Variants in HELLS observed in about 807,000 individuals in gnomAD.
The protein encoded by HELLS is lymphoid-specific helicase.
HELLS carries 32 observed loss-of-function variants against 120.0 expected under a neutral mutation model. The ratio of observed to expected loss-of-function variants is 0.27; its 90% CI spans 0.20 to 0.36. The LOEUF (loss-of-function observed/expected upper bound fraction) is 0.36. Among genes scored for constraint, HELLS ranks in the 10% least tolerant of loss-of-function variants. HELLS has a pLI of 1.00. For missense variants in HELLS, 650 were observed against 993.4 expected (o/e 0.65, Z 4.65); for synonymous variants, 341 against 323.4 (o/e 1.05, Z -0.58).
intron 21 of HELLS, among the ~76,000 whole-genome samples, chr10:94,598,302 T>C (rs563474851): frequency 6.6e-6 from 1 of 152,312 alleles, no homozygotes; most frequent in Admixed American, 6.5e-5. Flanking sequence ...CCCCAGTCTT[T>C]GTTTTTAACA....
chr10:94,610,020 TTG>T (rs1846173980), exon 10 of HELLS: 1 of 152,174 alleles, frequency 6.6e-6, no homozygotes, highest in African/African-American at 2.4e-5. Flanking sequence ...TCGTTATTGT[TTG>T]GAATTGACGT....
intron 2 of HELLS, among the ~76,000 whole-genome samples, chr10:94,548,004 A>G (rs1842817735): frequency 6.6e-6 from 1 of 152,200 alleles, no homozygotes; most frequent in East Asian, 1.9e-4. Flanking sequence ...TCTGACCTGA[A>G]CCACCTTTTC....
In HELLS at chr10:94,546,480, G is replaced by A. The variant is rs751100966; in HGVS notation, c.135G>A (p.Glu45=). 1.2e-6 allele frequency: 2 copies of A among 1,614,140 alleles called. No homozygotes were observed. The highest frequency in any genetic ancestry group is 2.2e-5 in the South Asian group (2 of 91,088). ...EQLEAAGLER[E]RKMLEKARMS... is the part of the protein sequence containing the mutation. ...TTGAAGCTGCTGGACTAGAGAGAGA[G>A]CGGAAGATGCTGGAAAAGGTAATTT... is the stretch of plus-strand genomic sequence containing the variant. The change falls in exon 2 of 22, where the codon GAG becomes GAA. Residue 45 remains glutamate (E), a synonymous_variant. Transcript: ENST00000348459.
At position 94,551,833 on chromosome 10, in the gene HELLS, G is replaced by C. The variant is rs919000938; in HGVS notation, c.154-2293G>C. ...CGGCTCACTGCAAGCTCTGCCTTCCGGGTTCACGCCATTCTCCTGCCTCAG... is the reference window on the plus strand; with the variant it reads ...CGGCTCACTGCAAGCTCTGCCTTCCCGGTTCACGCCATTCTCCTGCCTCAG... On this transcript the variant is annotated intron_variant, in intron 2 of 21. Transcript: ENST00000348459. 3.3e-5 allele frequency among the ~76,000 whole-genome samples: 5 copies of C among 151,406 alleles called. No individual in the cohort carries two copies. In the South Asian group the frequency reaches 1.0e-3, roughly 32 times the overall value.
intron 6 of HELLS, among the ~76,000 whole-genome samples, chr10:94,564,919 G>A (rs1843717961): frequency 6.6e-6 from 1 of 152,098 alleles, no homozygotes; most frequent in African/African-American, 2.4e-5. Context: ...AAAAAAAAAA[G>A]CACAACTCTA....
intron 4 of HELLS, among the ~76,000 whole-genome samples, chr10:94,560,531 C>T (rs551525402): frequency 5.9e-5 from 9 of 151,758 alleles, no homozygotes; most frequent in Non-Finnish European, 8.8e-5. Flanking sequence ...CCTGTCTCTG[C>T]TAAAAATACA....
At chr10:94,574,255 A>G in intron 8 of HELLS, 68 bp downstream of exon 8, 1 of 1,014,354 alleles carries the variant, frequency 9.9e-7, no homozygotes, top group Non-Finnish European at 1.5e-6. Flanking sequence ...GATTTGAGGT[A>G]CCACAACTTG....
rs1250772685 is a variant in HELLS, at chr10:94,592,305, G to C, written c.1844G>C (p.Gly615Ala). Reference sequence around the variant, plus strand: ...ATGCTGCCAGAACTAAAAAAAAGAGGTCACAAGGTGGTACTTTTGATTGGA... The same window carrying C: ...ATGCTGCCAGAACTAAAAAAAAGAGCTCACAAGGTGGTACTTTTGATTGGA... The part of the protein sequence containing the change: ...DRMLPELKKR[G>A]HKVLLFSQMT... The change falls in exon 16 of 22, where the codon GGT (glycine) becomes GCT (alanine). Residue 615 changes from glycine to alanine, a missense_variant. Around this residue, in one of 9 missense-constraint regions of HELLS, gnomAD observed 191 missense variants for 259.7 expected, o/e 0.74. Coordinates refer to ENST00000348459, the MANE Select transcript of HELLS (RefSeq NM_018063.5). The C allele has an allele frequency of 1.9e-6, 3 of 1,607,276 alleles. No homozygotes were observed. Among genetic ancestry groups the C allele is most frequent in the Non-Finnish European group, 2.5e-6 (3 of 1,177,156 alleles).
chr10:94,585,536 C>T (rs1361431030), intron 12 of HELLS, among the ~76,000 whole-genome samples: 1 of 151,184 alleles, frequency 6.6e-6, no homozygotes, highest in East Asian at 1.9e-4. Context: ...CGTGTGCCAC[C>T]ACACCTGGCT....
chr10:94,606,961 A>G (rs192127915), downstream of HELLS, among the ~76,000 whole-genome samples: 61 of 152,346 alleles, frequency 4.0e-4, no homozygotes, highest in African/African-American at 1.4e-3. Context: ...AAATTCTCTA[A>G]TCACTTGTCC....
intron 2 of HELLS, 72 bp downstream of exon 2, chr10:94,546,570 G>T: frequency 6.4e-7 from 1 of 1,571,290 alleles, no homozygotes; most frequent in Non-Finnish European, 8.7e-7. Flanking sequence ...GGTGTGGTTT[G>T]TGTTCTTTGC....
chr10:94,599,860 C>T (rs1445618719), intron 21 of HELLS, among the ~76,000 whole-genome samples: 1 of 152,088 alleles, frequency 6.6e-6, no homozygotes, highest in Non-Finnish European at 1.5e-5. Flanking sequence ...AATTATGAAA[C>T]ATTGAAGGAC....
Position 94,597,078 on chromosome 10 carries a change from C to A in HELLS, c.2389C>A (p.Leu797Ile). The change falls in exon 21 of 22, where the codon CTA (leucine) becomes ATA (isoleucine). Residue 797 changes from leucine to isoleucine, a missense_variant. Leu to Ile is a conservative substitution (Grantham distance 5, BLOSUM62 2). This residue lies in a region of HELLS where 90 missense variants were observed against 109.2 expected (regional missense o/e 0.82). Coordinates refer to ENST00000348459, the MANE Select transcript of HELLS (RefSeq NM_018063.5). Reference protein sequence around the residue: ...SREKVISDKDLELLLDRSDLI... With the variant: ...SREKVISDKDIELLLDRSDLI... ...AGAGAAGGTCATTAGTGATAAAGAT[C>A]TAGAGTTGTTGTTAGATCGAAGTGA... is the stretch of plus-strand genomic sequence containing the variant. 1.9e-6 allele frequency: 3 copies of A among 1,599,796 alleles called. No individual in the cohort carries two copies. The highest frequency in any genetic ancestry group is 2.6e-6 in the Non-Finnish European group (3 of 1,168,164).
rs1192236081 is a variant in HELLS at position 94,597,101 on chromosome 10, T to C, written c.2412T>C (p.Ser804=). The C allele has an allele frequency of 2.5e-6, 4 of 1,578,178 alleles. No homozygotes were observed. In the African/African-American group the frequency reaches 5.4e-5, roughly 21 times the overall value. ...DKDLELLLDR[S]DLIDQMNASG... ...ATCTAGAGTTGTTGTTAGATCGAAG[T>C]GATCTTATTGGTAAGTATTATGCTT... The change falls in exon 21 of 22, where the codon AGT becomes AGC. Residue 804 remains serine, a synonymous_variant. Coordinates refer to ENST00000348459, the MANE Select transcript of HELLS (RefSeq NM_018063.5).
At chr10:94,603,841 C>T (rs80036395), downstream of HELLS, among the ~76,000 whole-genome samples, 57,452 of 150,974 alleles carry the variant, frequency 0.38, 11,229 homozygotes, top group East Asian at 0.67. Context: ...TCCTTTTTTT[C>T]CCCTTTTTTT....
chr10:94,587,736 A>G (rs1011149912), intron 12 of HELLS, among the ~76,000 whole-genome samples: 1 of 151,666 alleles, frequency 6.6e-6, no homozygotes, highest in Non-Finnish European at 1.5e-5. Context: ...CTCTAGTTAT[A>G]CTCTTCTTTA....
At chr10:94,579,914 A>G (rs1201698265) in intron 10 of HELLS, among the ~76,000 whole-genome samples, 2 of 151,852 alleles carry the variant, frequency 1.3e-5, no homozygotes, top group Non-Finnish European at 2.9e-5. Flanking sequence ...GCCAGTGGCT[A>G]GAAACTTTTG....
At chr10:94,596,988 G>A (rs1378021917) in intron 20 of HELLS, 32 bp downstream of exon 20, 4 of 1,464,656 alleles carry the variant, frequency 2.7e-6, no homozygotes, top group Non-Finnish European at 3.8e-6. Flanking sequence ...GATTTAATTT[G>A]TAGCTTTGAA....
chr10:94,575,985 C>T (rs896485514), intron 9 of HELLS, among the ~76,000 whole-genome samples: 14 of 151,988 alleles, frequency 9.2e-5, no homozygotes, highest in Admixed American at 3.9e-4. Context: ...TTAGTAGTGA[C>T]GGGGTTTCTC....
Sources: gnomAD v4.1 joint callset for allele counts (sites outside exome capture counted in the v4.1 genomes callset) on GRCh38, gnomAD v4.1.1 for gene constraint, gnomAD v4.1.1 regional missense constraint, MANE v1.5 for transcripts, NCBI Gene and HGNC (gene_info 2026-07-23, HGNC 2026-07-21) for gene names.